Variants in CNBD1 observed in about 807,000 individuals in gnomAD.
The protein encoded by CNBD1 is cyclic nucleotide-binding domain-containing protein 1.
CNBD1 carries 71 observed loss-of-function variants against 54.4 expected under a neutral mutation model. The ratio of observed to expected loss-of-function variants is 1.30; its 90% CI spans 1.08 to 1.59. The LOEUF is 1.59. Ranked by LOEUF, CNBD1 falls within the 40% of genes most tolerant of loss-of-function variation. The pLI, the probability that CNBD1 is intolerant of heterozygous loss-of-function variation, is 0.00. For synonymous variants in CNBD1, 182 were observed against 170.7 expected, an observed-to-expected ratio of 1.07 and a Z score of -0.51; for missense variants, 659 against 518.0, an observed-to-expected ratio of 1.27 and a Z score of -2.64.
intron 1 of CNBD1, among the ~76,000 whole-genome samples, chr8:86,874,987 TA>T (rs1329125349): frequency 0.15 from 236 of 1,608 alleles, 2 homozygotes; most frequent in Non-Finnish European, 0.19. Context: ...TAAATCAATT[TA>T]TATATATATA....
chr8:87,164,977 C>T (rs558874728), intron 4 of CNBD1, among the ~76,000 whole-genome samples: 1 of 151,496 alleles, frequency 6.6e-6, no homozygotes, highest in Admixed American at 6.6e-5. Flanking sequence ...TTTTGTGTTT[C>T]CATTTTCATA....
chr8:87,389,578 A>G (rs1265021435), intron 2 of CNBD1, among the ~76,000 whole-genome samples: 3 of 152,152 alleles, frequency 2.0e-5, no homozygotes, highest in Non-Finnish European at 4.4e-5. Context: ...AGAACTACAA[A>G]CCACTGCTCG....
At chr8:87,227,786 C>T (rs1047165681) in intron 5 of CNBD1, among the ~76,000 whole-genome samples, 4 of 150,128 alleles carry the variant, frequency 2.7e-5, no homozygotes, top group Admixed American at 6.6e-5. Flanking sequence ...GAACATTGGC[C>T]TGCCTTGCTA....
intron 4 of CNBD1, among the ~76,000 whole-genome samples, chr8:86,969,175 C>G (rs1808163129): frequency 6.6e-6 from 1 of 151,928 alleles, no homozygotes; most frequent in Admixed American, 6.6e-5. Context: ...TGCATTTTCT[C>G]ATTTTCTTTT....
At chr8:87,424,494 T>G (rs1188031893) in intron 2 of CNBD1, among the ~76,000 whole-genome samples, 1 of 152,214 alleles carries the variant, frequency 6.6e-6, no homozygotes, top group Non-Finnish European at 1.5e-5. Flanking sequence ...CTCACTGGTT[T>G]CAAAGAACAT....
intron 4 of CNBD1, among the ~76,000 whole-genome samples, chr8:86,943,827 G>A (rs1807396375): frequency 6.6e-6 from 1 of 151,954 alleles, no homozygotes; most frequent in African/African-American, 2.4e-5. Flanking sequence ...AGGGAAGGGG[G>A]GACAGATGGA....
rs185467441 is a variant in CNBD1 at position 87,229,847 on chromosome 8, C to T, written c.578-7072C>T. On this transcript the variant is annotated intron_variant, in intron 5 of 10. Transcript: ENST00000518476. ...AATTTTGATAGATTTATGAATATGCCAACTATGTTAATTTAAGGAAATAAT... is the reference window on the plus strand; with the variant it reads ...AATTTTGATAGATTTATGAATATGCTAACTATGTTAATTTAAGGAAATAAT... 3.4e-3 allele frequency among the ~76,000 whole-genome samples: 518 copies of T among 152,132 alleles called. 4 individuals are homozygous for T. The highest frequency in any genetic ancestry group is 0.012 in the African/African-American group (497 of 41,500).
At chr8:87,404,532 C>A (rs939825813) in intron 2 of CNBD1, among the ~76,000 whole-genome samples, 6 of 152,016 alleles carry the variant, frequency 3.9e-5, no homozygotes, top group African/African-American at 1.4e-4. Flanking sequence ...TTTCTTGCTG[C>A]AAATTCCTTG....
rs1812892858 is a variant in CNBD1 at position 87,163,211 on chromosome 8, T to C, written c.432-42782T>C. ...ATATTTTGGTATTAATAACATCTCA[T>C]TTCTGAGATAAGCTTTGTAACATAA... On this transcript the variant is annotated intron_variant, in intron 4 of 10. Coordinates refer to ENST00000518476, the MANE Select transcript of CNBD1 (RefSeq NM_173538.3). The surrounding 1 kb of genome is among the most constrained non-coding windows in gnomAD (Gnocchi z 4.5). Among the ~76,000 whole-genome samples, 2 of 152,078 alleles carry C rather than the reference T, an allele frequency of 1.3e-5. No individual in the cohort carries two copies. Among genetic ancestry groups the C allele is most frequent in the South Asian group, 4.1e-4 (2 of 4,834 alleles).
chr8:86,962,580 T>A (rs767104228), intron 4 of CNBD1, among the ~76,000 whole-genome samples: 2 of 151,844 alleles, frequency 1.3e-5, no homozygotes, highest in Non-Finnish European at 2.9e-5. Context: ...GGTCAGGAGA[T>A]CAAGACCATC....
intron 10 of CNBD1, among the ~76,000 whole-genome samples, chr8:87,372,647 A>G (rs546181783): frequency 1.4e-4 from 21 of 151,956 alleles, no homozygotes; most frequent in African/African-American, 4.3e-4. Context: ...TTGTTACATA[A>G]TACTTTATTT....
chr8:87,047,881 G>T (rs1810229654), intron 4 of CNBD1, among the ~76,000 whole-genome samples: 1 of 152,216 alleles, frequency 6.6e-6, no homozygotes, highest in Admixed American at 6.5e-5. Context: ...ATAACTGAAA[G>T]AATCTGGTAG....
chr8:86,917,285 T>C (rs1809202265), intron 3 of CNBD1, among the ~76,000 whole-genome samples: 1 of 152,222 alleles, frequency 6.6e-6, no homozygotes, highest in African/African-American at 2.4e-5. Context: ...ACTGACATTA[T>C]GTAAATTGGA....
chr8:87,228,676 A>G (rs376030570), intron 5 of CNBD1, among the ~76,000 whole-genome samples: 9,770 of 148,662 alleles, frequency 0.066, 1,126 homozygotes, highest in African/African-American at 0.23. Flanking sequence ...AGTCTGCAGA[A>G]GTTACTGCTG....
In CNBD1 at chr8:87,084,590, A is replaced by G. The variant is rs542087135; in HGVS notation, c.432-121403A>G. On this transcript the variant is annotated intron_variant, in intron 4 of 10. Transcript: ENST00000518476. The stretch of plus-strand genomic sequence containing the variant: ...ATTCCTGTATTGTATGAAATGGGTC[A>G]TTTTTTTCTGTCTGCTTTCAAGATT... Among the ~76,000 whole-genome samples the G allele has an allele frequency of 1.3e-3, 202 of 150,942 alleles. 1 individual carries two copies. Among genetic ancestry groups the G allele is most frequent in the African/African-American group, 4.8e-3 (199 of 41,140 alleles).
At chr8:87,046,209 A>G (rs1332639161) in intron 4 of CNBD1, among the ~76,000 whole-genome samples, 1 of 152,234 alleles carries the variant, frequency 6.6e-6, no homozygotes, top group Middle Eastern at 3.4e-3. Context: ...GTTGCATCAT[A>G]ATAGAGATAT....
chr8:87,377,970 C>A (rs1342583300), intron 10 of CNBD1, among the ~76,000 whole-genome samples: 1 of 141,904 alleles, frequency 7.0e-6, no homozygotes, highest in African/African-American at 2.7e-5. Context: ...AGTGTCTGTT[C>A]ATGTCCTTTG....
At chr8:86,931,841 C>G (rs1333737528) in intron 3 of CNBD1, among the ~76,000 whole-genome samples, 2 of 152,162 alleles carry the variant, frequency 1.3e-5, no homozygotes, top group East Asian at 1.9e-4. Flanking sequence ...AAGGCCTCCC[C>G]TAGCTGCTTG....
chr8:87,353,840 A>T, intron 10 of CNBD1, 54 bp downstream of exon 10: 3 of 1,338,104 alleles, frequency 2.2e-6, no homozygotes, highest in Non-Finnish European at 3.1e-6. Flanking sequence ...ATGAGTTCTT[A>T]AATTTTTTAA....
Sources: gnomAD v4.1 joint callset for allele counts (sites outside exome capture counted in the v4.1 genomes callset) on GRCh38, gnomAD v4.1.1 for gene constraint, Gnocchi (gnomAD v3.1) non-coding constraint, MANE v1.5 for transcripts, NCBI Gene and HGNC (gene_info 2026-07-23, HGNC 2026-07-21) for gene names.